Variants in NR3C1 observed in about 807,000 individuals in gnomAD.
The protein encoded by NR3C1 is glucocorticoid receptor.
In NR3C1, 14 loss-of-function variants were observed where a neutral mutation model predicts 74.0. That is an observed-to-expected ratio of 0.19 (90% confidence interval 0.12 to 0.30). The LOEUF (loss-of-function observed/expected upper bound fraction) is 0.30, where lower values mean the gene tolerates loss of function less well. Ranked by LOEUF, NR3C1 falls within the 10% of genes least tolerant of loss-of-function variation. The probability of loss-of-function intolerance (pLI) is 1.00; values close to 1 mark genes in which losing one functional copy is unlikely to be tolerated. For missense variants in NR3C1, 695 were observed against 909.8 expected, an observed-to-expected ratio of 0.76 and a Z score of 3.04; for synonymous variants, 308 against 332.5, an observed-to-expected ratio of 0.93 and a Z score of 0.80.
chr5:143,314,495 A>G (rs61753477), intron 2 of NR3C1, among the ~76,000 whole-genome samples: 23 of 149,458 alleles, frequency 1.5e-4, no homozygotes, highest in African/African-American at 3.5e-4. Context: ...ATACAGTAAC[A>G]TTTACTGTTT....
chr5:143,339,469 G>A (rs1475454371), intron 2 of NR3C1, among the ~76,000 whole-genome samples: 1 of 152,012 alleles, frequency 6.6e-6, no homozygotes, highest in African/African-American at 2.4e-5. Flanking sequence ...CTTCAACTGA[G>A]CTTTTCATTT....
chr5:143,308,457 T>C (rs1174013852), intron 4 of NR3C1, among the ~76,000 whole-genome samples: 1 of 152,108 alleles, frequency 6.6e-6, no homozygotes, highest in Non-Finnish European at 1.5e-5. Flanking sequence ...AGAGTTAGAC[T>C]CTGTCTCTAA....
chr5:143,369,884 C>G (rs1381793170), intron 2 of NR3C1, among the ~76,000 whole-genome samples: 2 of 152,200 alleles, frequency 1.3e-5, no homozygotes, highest in African/African-American at 4.8e-5. Flanking sequence ...AGTCCTCATT[C>G]ATTTTGACAA....
chr5:143,332,689 G>A (rs1826235873), intron 2 of NR3C1: 3 of 1,575,740 alleles, frequency 1.9e-6, no homozygotes, highest in African/African-American at 1.3e-5. Flanking sequence ...CGGCAGAAAC[G>A]TGACAAGGTG....
intron 2 of NR3C1, among the ~76,000 whole-genome samples, chr5:143,327,677 C>T (rs1824936934): frequency 1.3e-5 from 2 of 152,242 alleles, no homozygotes; most frequent in South Asian, 4.1e-4. Flanking sequence ...CCAAGGGCCA[C>T]AGGCCCCATG....
chr5:143,320,904 T>C (rs1367213285), intron 2 of NR3C1, among the ~76,000 whole-genome samples: 3 of 152,210 alleles, frequency 2.0e-5, no homozygotes, highest in Non-Finnish European at 4.4e-5. Context: ...TGTTATCAGT[T>C]CTGTTTGCTC....
chr5:143,420,156 G>A (rs906939307), intron 1 of NR3C1, among the ~76,000 whole-genome samples: 2 of 152,124 alleles, frequency 1.3e-5, no homozygotes, highest in Admixed American at 6.6e-5. Context: ...AAGGTGCCCA[G>A]ATTTCATATT....
intron 7 of NR3C1, among the ~76,000 whole-genome samples, chr5:143,291,174 T>C (rs558302963): frequency 1.6e-4 from 25 of 152,296 alleles, no homozygotes; most frequent in African/African-American, 5.8e-4. Flanking sequence ...TAAATGTATC[T>C]ATATTATTTA....
intron 2 of NR3C1, among the ~76,000 whole-genome samples, chr5:143,343,836 T>A (rs1828701210): frequency 6.6e-6 from 1 of 152,250 alleles, no homozygotes; most frequent in Non-Finnish European, 1.5e-5. Context: ...GATTTTATCA[T>A]GACCTCTATC....
upstream of NR3C1, among the ~76,000 whole-genome samples, chr5:143,404,996 C>T (rs1841007569): frequency 6.6e-6 from 1 of 152,196 alleles, no homozygotes; most frequent in Non-Finnish European, 1.5e-5. Context: ...GGAGCTTCCC[C>T]CTCAGTCCAA....
In NR3C1 at chr5:143,328,858, C is replaced by T. The variant is rs533704733; in HGVS notation, c.1185-14690G>A. Among the ~76,000 whole-genome samples the T allele has an allele frequency of 3.8e-4, 58 of 152,300 alleles. 1 individual carries two copies. The South Asian group carries it at 4.8e-3, about 13-fold the overall frequency. On this transcript the variant is annotated intron_variant, in intron 2 of 8. Coordinates refer to ENST00000394464, the MANE Select transcript of NR3C1 (RefSeq NM_000176.3). Reference sequence around the variant, plus strand: ...ATTTCAGCCTGGACTTCATTGTCCACGTCACTATCAGCATTTTGGTCAAAA... The same window carrying T: ...ATTTCAGCCTGGACTTCATTGTCCATGTCACTATCAGCATTTTGGTCAAAA...
Position 143,306,874 on chromosome 5 carries a change from A to ATTT in NR3C1, c.1468+3220_1468+3222dup, listed in dbSNP as rs70991802. 1.5e-3 allele frequency among the ~76,000 whole-genome samples: 127 copies of ATTT among 82,898 alleles called. 4 individuals are homozygous for ATTT. Among genetic ancestry groups the ATTT allele is most frequent in the African/African-American group, 5.5e-3 (108 of 19,646 alleles). The allele number at this position is 82,898 out of a possible 152,430, so 54.4% of individuals were successfully genotyped here. On this transcript the variant is annotated intron_variant, in intron 4 of 8. Coordinates refer to ENST00000394464, the MANE Select transcript of NR3C1 (RefSeq NM_000176.3). ...ACTGCAGCCTAAATTGTATGCTTAA[A>ATTT]TTTTTTTTTTTTTTTTTTTTTTTTT...
chr5:143,340,883 A>AC (rs1828087094), intron 2 of NR3C1, among the ~76,000 whole-genome samples: 1 of 152,148 alleles, frequency 6.6e-6, no homozygotes, highest in Non-Finnish European at 1.5e-5. Context: ...ATAGGTAAAC[A>AC]CATGTCACGG....
intron 2 of NR3C1, among the ~76,000 whole-genome samples, chr5:143,329,799 T>C (rs1243611280): frequency 6.6e-6 from 1 of 152,174 alleles, no homozygotes; most frequent in Non-Finnish European, 1.5e-5. Flanking sequence ...CAGATACAGA[T>C]AAAAGGGCTG....
At chr5:143,405,070 C>T (rs978573744), upstream of NR3C1, 5 of 964,532 alleles carry the variant, frequency 5.2e-6, no homozygotes, top group Admixed American at 1.8e-4. Flanking sequence ...GGTGCCCGTG[C>T]GGGAAGCCCC....
intron 6 of NR3C1, among the ~76,000 whole-genome samples, chr5:143,296,181 T>C (rs2151536100): frequency 6.6e-6 from 1 of 152,288 alleles, no homozygotes; most frequent in South Asian, 2.1e-4. Context: ...TACATACCTA[T>C]GATTTTCAAA....
chr5:143,404,859 T>G (rs1042867073), upstream of NR3C1, among the ~76,000 whole-genome samples: 1 of 152,046 alleles, frequency 6.6e-6, no homozygotes, highest in African/African-American at 2.4e-5. Context: ...AATCTTGACA[T>G]TTGCTGCCCT....
intron 1 of NR3C1, chr5:143,409,102 G>A (rs936606799): frequency 3.3e-5 from 5 of 152,202 alleles, no homozygotes; most frequent in Non-Finnish European, 5.9e-5. Flanking sequence ...CAACTGGTGG[G>A]AGCAGAATCG....
chr5:143,399,559 G>GA, intron 2 of NR3C1, 97 bp downstream of exon 2: 1 of 990,482 alleles, frequency 1.0e-6, no homozygotes, highest in Non-Finnish European at 1.6e-6. Context: ...AAAAGCACAT[G>GA]AATCTTTAGA....
Sources: allele counts gnomAD v4.1 joint callset (sites outside exome capture counted in the v4.1 genomes callset), GRCh38; gene constraint gnomAD v4.1.1; transcripts MANE v1.5; gene names NCBI Gene and HGNC (gene_info 2026-07-23, HGNC 2026-07-21).